The following CNTLN variants were observed in gnomAD, a reference collection of about 807,000 sequenced individuals.
The protein encoded by CNTLN is centlein, also known as centlein, centrosomal protein.
A neutral mutation model predicts 180.0 loss-of-function variants in CNTLN; 212 were observed. The observed-to-expected ratio is 1.18, with a 90% CI of 1.05 to 1.32. The LOEUF is 1.32. Among genes scored for constraint, CNTLN ranks in the 40% most tolerant of loss-of-function variants. CNTLN has a pLI of 0.00. For synonymous variants in CNTLN, 722 were observed against 563.1 expected (o/e 1.28, Z -3.99); for missense variants, 2,095 against 1,610.9 (o/e 1.30, Z -5.14).
chr9:17,199,938 T>C (rs112487610), intron 2 of CNTLN, among the ~76,000 whole-genome samples: 4,800 of 152,228 alleles, frequency 0.032, 192 homozygotes, highest in African/African-American at 0.093. Context: ...ATAGTATTGC[T>C]TAGGTTTTCT....
intron 2 of CNTLN, among the ~76,000 whole-genome samples, chr9:17,200,908 G>T (rs1587117821): frequency 4.6e-5 from 7 of 152,182 alleles, no homozygotes; most frequent in Admixed American, 4.6e-4. Context: ...TTGTTTTGTG[G>T]TGGTTTTCAA....
At chr9:17,279,911 T>C (rs894432275) in intron 6 of CNTLN, among the ~76,000 whole-genome samples, 2 of 150,424 alleles carry the variant, frequency 1.3e-5, no homozygotes, top group Non-Finnish European at 3.0e-5. Context: ...ATTATGGGAA[T>C]GCGACTGTTG....
intron 12 of CNTLN, among the ~76,000 whole-genome samples, chr9:17,360,492 G>C (rs1213021821): frequency 1.3e-5 from 2 of 152,144 alleles, no homozygotes; most frequent in Non-Finnish European, 2.9e-5. Flanking sequence ...ATACAGCCTA[G>C]GGGGTGGTGG....
intron 7 of CNTLN, among the ~76,000 whole-genome samples, chr9:17,304,189 T>C (rs1189810433): frequency 1.3e-5 from 2 of 152,154 alleles, no homozygotes; most frequent in South Asian, 2.1e-4. Context: ...TGAGTCATAT[T>C]GTCCCAGAGC....
chr9:17,442,166 T>C (rs986531667), intron 18 of CNTLN, among the ~76,000 whole-genome samples: 5 of 152,126 alleles, frequency 3.3e-5, no homozygotes, highest in South Asian at 2.1e-4. Context: ...TGTGGACCAA[T>C]TGAACCTAAC....
At chr9:17,474,412 A>G (rs899126839) in intron 23 of CNTLN, among the ~76,000 whole-genome samples, 1 of 152,112 alleles carries the variant, frequency 6.6e-6, no homozygotes. Context: ...TGATACTTCA[A>G]ATCGTGTCTG....
intron 8 of CNTLN, among the ~76,000 whole-genome samples, chr9:17,325,576 C>T (rs1297798024): frequency 2.2e-5 from 2 of 89,374 alleles, no homozygotes; most frequent in African/African-American, 7.4e-5. Flanking sequence ...CACACACACA[C>T]GCACACACAC....
At position 17,236,578 on chromosome 9, in the gene CNTLN, C is replaced by T; in HGVS notation, c.839C>T (p.Ala280Val). 1 of 1,603,528 alleles carries T rather than the reference C, an allele frequency of 6.2e-7. No individual in the cohort carries two copies. Among genetic ancestry groups the T allele is most frequent in the South Asian group, 1.1e-5 (1 of 89,222 alleles). ...AGAAAAGAAAAATATAGCACTGATG[C>T]AAAAATAAAGGTATACAATAGGAAT... ...HLRKEKYSTD[A>V]KIKTFEDNLI... Residue 280 changes from alanine to valine, a missense_variant, in exon 5 of 26, where the codon GCA (alanine) becomes GTA (valine). Coordinates refer to ENST00000380647, the MANE Select transcript of CNTLN (RefSeq NM_017738.4).
At chr9:17,344,797 A>G (rs1214969943) in intron 12 of CNTLN, among the ~76,000 whole-genome samples, 1 of 152,188 alleles carries the variant, frequency 6.6e-6, no homozygotes, top group African/African-American at 2.4e-5. Context: ...TTTATGAGTT[A>G]TATCATATAT....
the CNTLN span, among the ~76,000 whole-genome samples, chr9:17,514,421 T>C: frequency 6.6e-6 from 1 of 152,184 alleles, no homozygotes; most frequent in East Asian, 1.9e-4. Context: ...GATGACTTTA[T>C]CATTAACATC....
chr9:17,264,260 A>G (rs1040436595), intron 5 of CNTLN, among the ~76,000 whole-genome samples: 2 of 149,806 alleles, frequency 1.3e-5, no homozygotes, highest in Admixed American at 6.6e-5. Context: ...CTTTCTACAT[A>G]TGGCTAGCCA....
Position 17,337,042 on chromosome 9 carries a change from G to T in CNTLN, c.1645-3785G>T, listed in dbSNP as rs544346411. ...TGAGATGGTATCTCATTGTGGTTTT[G>T]ATTTCCATAATGACCAGTGATGATG... On this transcript the variant is annotated intron_variant, in intron 10 of 25. Coordinates refer to ENST00000380647, the MANE Select transcript of CNTLN (RefSeq NM_017738.4). Among the ~76,000 whole-genome samples the T allele has an allele frequency of 2.0e-5, 3 of 152,186 alleles. No homozygotes were observed. In the East Asian group the frequency reaches 5.8e-4, roughly 29 times the overall value.
intron 7 of CNTLN, chr9:17,301,547 G>T (rs1235699680): frequency 1.0e-5 from 10 of 984,590 alleles, no homozygotes; most frequent in East Asian, 2.3e-4. Flanking sequence ...AGATTACCTT[G>T]GGGAGTGTGG....
chr9:17,512,962 G>T, the CNTLN span, among the ~76,000 whole-genome samples: 6 of 152,066 alleles, frequency 3.9e-5, no homozygotes, highest in Non-Finnish European at 5.9e-5. Flanking sequence ...GACTACAGGC[G>T]CCCACCACTA....
chr9:17,337,605 AT>A (rs1821141178), intron 10 of CNTLN, among the ~76,000 whole-genome samples: 4 of 152,184 alleles, frequency 2.6e-5, no homozygotes, highest in Non-Finnish European at 5.9e-5. Context: ...TGAATGACAT[AT>A]GGAGCTCAGG....
chr9:17,173,435 C>T (rs1050482554), intron 2 of CNTLN, among the ~76,000 whole-genome samples: 24 of 152,094 alleles, frequency 1.6e-4, no homozygotes, highest in African/African-American at 5.8e-4. Flanking sequence ...TTTAAGGAAA[C>T]AATTTATGTA....
Position 17,332,722 on chromosome 9 carries a change from C to T in CNTLN, c.1636C>T (p.Gln546Ter), listed in dbSNP as rs773117946. Residue 546 changes from glutamine (Q) to a stop codon, truncating the protein, a stop_gained, in exon 10 of 26, where the codon CAA becomes TAA. Coordinates refer to ENST00000380647, the MANE Select transcript of CNTLN (RefSeq NM_017738.4). LOFTEE classifies it high-confidence loss of function. ...RKIENLEKAL[Q>*]LKSQENDELR... ...GATTGAAAACTTAGAGAAGGCACTA[C>T]AACTAAAGGTGAACATTAAATCATT... The T allele has an allele frequency of 2.5e-6, 4 of 1,588,284 alleles. No homozygotes were observed. Among genetic ancestry groups the T allele is most frequent in the Admixed American group, 1.9e-5 (1 of 53,076 alleles).
At chr9:17,440,314 C>T (rs866253677) in intron 18 of CNTLN, among the ~76,000 whole-genome samples, 1 of 151,576 alleles carries the variant, frequency 6.6e-6, no homozygotes, top group South Asian at 2.1e-4. Flanking sequence ...TGGCTCAAGC[C>T]TGTAATCCCA....
rs569773096 is a variant in CNTLN at position 17,155,162 on chromosome 9, G to A, written c.449+11786G>A. ...CTCTGGACACATCTGAACATCTGAA[G>A]GAACAAACTCTGGACACACCATCTT... On this transcript the variant is annotated intron_variant, in intron 2 of 25. Transcript: ENST00000380647. 5.4e-3 allele frequency among the ~76,000 whole-genome samples: 823 copies of A among 152,316 alleles called. 6 individuals are homozygous for A. Among genetic ancestry groups the A allele is most frequent in the Admixed American group, 8.0e-3 (123 of 15,304 alleles).
Sources: gnomAD v4.1 joint callset for allele counts (sites outside exome capture counted in the v4.1 genomes callset) on GRCh38, gnomAD v4.1.1 for gene constraint, MANE v1.5 for transcripts, NCBI Gene and HGNC (gene_info 2026-07-23, HGNC 2026-07-21) for gene names.